Variants in FHIT observed in about 807,000 individuals in gnomAD.
FHIT encodes bis(5'-adenosyl)-triphosphatase.
FHIT carries 19 observed loss-of-function variants against 17.9 expected under a neutral mutation model. The observed-to-expected ratio is 1.06, with a 90% CI of 0.74 to 1.56. FHIT has a LOEUF of 1.56. FHIT is among the 40% of genes most tolerant of loss of function. The pLI is 0.00. For missense variants in FHIT, 248 were observed against 189.2 expected (o/e 1.31, Z -1.82); for synonymous variants, 81 against 69.7 (o/e 1.16, Z -0.81).
chr3:60,092,559 G>C (rs1703777291), intron 5 of FHIT, among the ~76,000 whole-genome samples: 2 of 152,158 alleles, frequency 1.3e-5, no homozygotes, highest in African/African-American at 4.8e-5. Context: ...CCATTCAGAG[G>C]TGCTTTTATT....
intron 2 of FHIT, among the ~76,000 whole-genome samples, chr3:61,061,999 A>T (rs1341642267): frequency 6.6e-6 from 1 of 152,166 alleles, no homozygotes; most frequent in African/African-American, 2.4e-5. Context: ...ATGTCAATTC[A>T]TAGAGATGCT....
chr3:60,865,971 T>C (rs1704139712), intron 3 of FHIT, among the ~76,000 whole-genome samples: 1 of 152,114 alleles, frequency 6.6e-6, no homozygotes, highest in Non-Finnish European at 1.5e-5. Flanking sequence ...AATCCTCCTG[T>C]TCTAGCAGTA....
intron 5 of FHIT, among the ~76,000 whole-genome samples, chr3:60,356,600 T>G (rs981972010): frequency 2.0e-4 from 30 of 152,010 alleles, no homozygotes; most frequent in African/African-American, 6.8e-4. Context: ...TCTATTTCAA[T>G]ACAAGTTATT....
chr3:61,177,135 C>A (rs2107153893), intron 2 of FHIT, among the ~76,000 whole-genome samples: 1 of 150,978 alleles, frequency 6.6e-6, no homozygotes, highest in Non-Finnish European at 1.5e-5. Flanking sequence ...CGAGATTGCA[C>A]CCCTGCACTT....
At chr3:61,012,382 T>G (rs2031841887) in intron 3 of FHIT, among the ~76,000 whole-genome samples, 1 of 152,138 alleles carries the variant, frequency 6.6e-6, no homozygotes, top group Admixed American at 6.5e-5. Flanking sequence ...AATTGAGTTG[T>G]CAGAGGATGA....
chr3:60,572,976 TA>T (rs111419719), intron 4 of FHIT, among the ~76,000 whole-genome samples: 8 of 152,154 alleles, frequency 5.3e-5, no homozygotes, highest in African/African-American at 1.9e-4. Context: ...TAGTTCCTAT[TA>T]TTTCCATATT....
At chr3:60,122,698 GT>G (rs1705316777) in intron 5 of FHIT, among the ~76,000 whole-genome samples, 2 of 152,176 alleles carry the variant, frequency 1.3e-5, no homozygotes, top group African/African-American at 2.4e-5. Flanking sequence ...GCTGGGGAGA[GT>G]TTGGAATGTT....
intron 8 of FHIT, among the ~76,000 whole-genome samples, chr3:59,888,571 C>G (rs73100680): frequency 0.029 from 4,364 of 152,256 alleles, 81 homozygotes; most frequent in South Asian, 0.079. Context: ...GGGAAAAAAT[C>G]AAGACCCTTC....
chr3:59,983,807 A>C (rs1420176469), intron 7 of FHIT, among the ~76,000 whole-genome samples: 1 of 152,068 alleles, frequency 6.6e-6, no homozygotes, highest in Non-Finnish European at 1.5e-5. Flanking sequence ...CTATATTAGC[A>C]AAGACAGGGA....
intron 5 of FHIT, among the ~76,000 whole-genome samples, chr3:60,215,800 A>T (rs1703670722): frequency 6.6e-6 from 1 of 152,212 alleles, no homozygotes; most frequent in Non-Finnish European, 1.5e-5. Context: ...TACACAAAAC[A>T]TGTACAGAGC....
At chr3:59,894,120 T>C (rs1703967826) in intron 8 of FHIT, among the ~76,000 whole-genome samples, 1 of 152,028 alleles carries the variant, frequency 6.6e-6, no homozygotes, top group Non-Finnish European at 1.5e-5. Flanking sequence ...GGTGCACGCC[T>C]GTAGTCCTAA....
intron 4 of FHIT, among the ~76,000 whole-genome samples, chr3:60,592,625 A>T (rs1292704650): frequency 6.6e-6 from 1 of 152,154 alleles, no homozygotes; most frequent in Non-Finnish European, 1.5e-5. Flanking sequence ...GCAGGCTTCC[A>T]ATCTTTAATG....
intron 5 of FHIT, among the ~76,000 whole-genome samples, chr3:60,163,559 C>G (rs1230291974): frequency 6.6e-6 from 1 of 152,140 alleles, no homozygotes; most frequent in Non-Finnish European, 1.5e-5. Flanking sequence ...GTTCCCTACC[C>G]ATCTCTGCCA....
rs560934474 is a variant in FHIT, at chr3:60,923,166, T to G, written c.-110-101155A>C. On this transcript the variant is annotated intron_variant, in intron 3 of 9. Transcript: ENST00000492590. Reference sequence around the variant, plus strand: ...AAAAACTGTGCCTAATTATCCCACATGGGTTTACCTAAGTTGTCATTTTTT... The same window carrying G: ...AAAAACTGTGCCTAATTATCCCACAGGGGTTTACCTAAGTTGTCATTTTTT... Among the ~76,000 whole-genome samples, 16 of 152,346 alleles carry G rather than the reference T, an allele frequency of 1.1e-4. No individual in the cohort carries two copies. In the South Asian group the frequency reaches 2.1e-3, roughly 20 times the overall value.
chr3:61,209,559 CA>C (rs2106746912), intron 1 of FHIT, among the ~76,000 whole-genome samples: 1 of 151,368 alleles, frequency 6.6e-6, no homozygotes, highest in East Asian at 2.0e-4. Context: ...CGCTTCATTT[CA>C]TTCGTCTTCC....
chr3:60,139,309 G>A (rs893179340), intron 5 of FHIT, among the ~76,000 whole-genome samples: 1 of 152,042 alleles, frequency 6.6e-6, no homozygotes, highest in African/African-American at 2.4e-5. Flanking sequence ...AAGGGAGTGA[G>A]AACCAAAAAG....
At chr3:60,231,678 G>A (rs1559747294) in intron 5 of FHIT, among the ~76,000 whole-genome samples, 1 of 152,110 alleles carries the variant, frequency 6.6e-6, no homozygotes. Context: ...TACGTGCCTT[G>A]ACTCCTTTAA....
chr3:60,904,080 T>C (rs1013259968), intron 3 of FHIT, among the ~76,000 whole-genome samples: 2 of 152,212 alleles, frequency 1.3e-5, no homozygotes, highest in South Asian at 4.1e-4. Flanking sequence ...TTTCCAGCTT[T>C]GGTGCTTATC....
intron 4 of FHIT, among the ~76,000 whole-genome samples, chr3:60,803,035 TAGG>T (rs1553732804): frequency 1.3e-5 from 2 of 152,092 alleles, no homozygotes; most frequent in African/African-American, 4.8e-5. Flanking sequence ...AATAAATAAA[TAGG>T]AGAGTTTCTG....
Sources: allele counts gnomAD v4.1 joint callset (sites outside exome capture counted in the v4.1 genomes callset), GRCh38; gene constraint gnomAD v4.1.1; transcripts MANE v1.5; gene names NCBI Gene and HGNC (gene_info 2026-07-23, HGNC 2026-07-21).